Variants in DAB1 observed in about 807,000 individuals in gnomAD.
The protein encoded by DAB1 is disabled homolog 1.
DAB1 carries 15 observed loss-of-function variants against 64.6 expected under a neutral mutation model. The observed-to-expected ratio is 0.23, with a 90% CI of 0.16 to 0.36. The LOEUF (loss-of-function observed/expected upper bound fraction) is 0.36, where lower values mean the gene tolerates loss of function less well. DAB1 is among the 10% of genes least tolerant of loss of function. DAB1 has a pLI of 1.00. For missense variants in DAB1, 596 were observed against 706.7 expected (o/e 0.84, Z 1.78); for synonymous variants, 235 against 251.9 (o/e 0.93, Z 0.64).
At chr1:57,331,889 C>T (rs933584795) in intron 1 of DAB1, among the ~76,000 whole-genome samples, 5 of 152,186 alleles carry the variant, frequency 3.3e-5, no homozygotes, top group East Asian at 3.9e-4. Context: ...GCAGAGGAAT[C>T]TTGGGTTCTT....
intron 1 of DAB1, among the ~76,000 whole-genome samples, chr1:57,412,335 T>C (rs1374755787): frequency 1.3e-5 from 2 of 152,180 alleles, no homozygotes; most frequent in Non-Finnish European, 2.9e-5. Context: ...CACAAGTCTC[T>C]CACTTTAAAT....
At chr1:58,023,886 C>G (rs941244117) in intron 5 of DAB1, among the ~76,000 whole-genome samples, 7 of 152,116 alleles carry the variant, frequency 4.6e-5, no homozygotes, top group African/African-American at 1.7e-4. Flanking sequence ...TAAGGCAGTT[C>G]ATTAGCTTAG....
At chr1:57,609,406 T>A (rs969734858) in intron 7 of DAB1, among the ~76,000 whole-genome samples, 3 of 152,224 alleles carry the variant, frequency 2.0e-5, no homozygotes, top group Non-Finnish European at 4.4e-5. Flanking sequence ...GGAGGATGTG[T>A]GTATGTTATA....
chr1:58,441,853 C>T (rs1006008668), intron 3 of DAB1, among the ~76,000 whole-genome samples: 7 of 152,262 alleles, frequency 4.6e-5, no homozygotes, highest in African/African-American at 1.4e-4. Flanking sequence ...CTCACTGAGT[C>T]GGTAACAGAT....
chr1:57,339,754 C>T (rs1183578898), intron 1 of DAB1, among the ~76,000 whole-genome samples: 3 of 152,140 alleles, frequency 2.0e-5, no homozygotes, highest in South Asian at 2.1e-4. Flanking sequence ...ATTAGAAATA[C>T]GGGTTGAATT....
intron 7 of DAB1, among the ~76,000 whole-genome samples, chr1:57,565,343 T>G (rs1367820376): frequency 1.3e-5 from 2 of 152,164 alleles, no homozygotes; most frequent in Non-Finnish European, 2.9e-5. Flanking sequence ...AGACCATTGA[T>G]GCTAGGAAGA....
At chr1:57,206,960 C>T (rs1665595326) in intron 2 of DAB1, among the ~76,000 whole-genome samples, 3 of 131,206 alleles carry the variant, frequency 2.3e-5, no homozygotes. Flanking sequence ...TCTTTCTTTC[C>T]TTCCTTCCTT....
intron 4 of DAB1, among the ~76,000 whole-genome samples, chr1:57,084,265 C>T (rs1652839558): frequency 6.6e-6 from 1 of 152,150 alleles, no homozygotes; most frequent in African/African-American, 2.4e-5. Flanking sequence ...AGGCCATATA[C>T]AGATGATGGC....
intron 2 of DAB1, among the ~76,000 whole-genome samples, chr1:57,173,423 ATAT>A (rs1456088190): frequency 1.3e-5 from 2 of 152,168 alleles, no homozygotes; most frequent in African/African-American, 4.8e-5. Flanking sequence ...ATATGGTATA[ATAT>A]TATCCTCAGG....
At chr1:57,639,940 C>G (rs953773117) in intron 7 of DAB1, among the ~76,000 whole-genome samples, 1 of 152,154 alleles carries the variant, frequency 6.6e-6, no homozygotes, top group African/African-American at 2.4e-5. Flanking sequence ...AAAGAAAGGT[C>G]CCCAAAATAC....
chr1:57,226,685 A>ATATATATATC (rs1343367644), intron 2 of DAB1, among the ~76,000 whole-genome samples: 1 of 146,926 alleles, frequency 6.8e-6, no homozygotes, highest in African/African-American at 2.5e-5. Context: ...ATATATATAT[A>ATATATATATC]TATATATATA....
intron 4 of DAB1, among the ~76,000 whole-genome samples, chr1:58,258,642 G>A (rs563181228): frequency 6.6e-6 from 1 of 152,208 alleles, no homozygotes; most frequent in Admixed American, 6.5e-5. Flanking sequence ...TATTGGAGCA[G>A]AGACTGTCCG....
At chr1:57,282,259 T>A (rs188530556) in intron 2 of DAB1, among the ~76,000 whole-genome samples, 2 of 146,304 alleles carry the variant, frequency 1.4e-5, no homozygotes, top group African/African-American at 2.5e-5. Context: ...CAAGAGCAAG[T>A]GCATAGGGTA....
intron 2 of DAB1, among the ~76,000 whole-genome samples, chr1:57,222,853 C>A (rs1254631877): frequency 6.6e-6 from 1 of 152,150 alleles, no homozygotes; most frequent in Non-Finnish European, 1.5e-5. Context: ...TAGGAATAAT[C>A]CTATATCCAG....
At chr1:57,131,534 G>GA (rs1657651540) in intron 4 of DAB1, among the ~76,000 whole-genome samples, 1 of 152,150 alleles carries the variant, frequency 6.6e-6, no homozygotes, top group African/African-American at 2.4e-5. Flanking sequence ...AGCCTCCTCA[G>GA]CTTTTTCCTA....
chr1:57,293,923 T>C (rs1672986650), intron 1 of DAB1, among the ~76,000 whole-genome samples: 1 of 152,170 alleles, frequency 6.6e-6, no homozygotes, highest in Admixed American at 6.5e-5. Flanking sequence ...GCATTACTTG[T>C]GAATTTCTGA....
At chr1:57,746,459 T>C (rs2406279) in intron 6 of DAB1, among the ~76,000 whole-genome samples, 59,145 of 151,912 alleles carry the variant, frequency 0.39, 11,755 homozygotes, top group Admixed American at 0.44. Flanking sequence ...CCCCAGATTA[T>C]TAAGGTTGAG....
At chr1:58,432,987 C>T (rs1326141831) in intron 3 of DAB1, among the ~76,000 whole-genome samples, 2 of 152,222 alleles carry the variant, frequency 1.3e-5, no homozygotes, top group Non-Finnish European at 2.9e-5. Flanking sequence ...CCCAGGCATT[C>T]CTCTTTGCAA....
intron 11 of DAB1, among the ~76,000 whole-genome samples, chr1:57,019,936 A>C (rs1001864458): frequency 1.3e-5 from 2 of 152,254 alleles, no homozygotes; most frequent in Non-Finnish European, 2.9e-5. Flanking sequence ...GCAGACTGAA[A>C]TATAAGAAAA....
Sources: gnomAD v4.1 joint callset for allele counts (sites outside exome capture counted in the v4.1 genomes callset) on GRCh38, gnomAD v4.1.1 for gene constraint, MANE v1.5 for transcripts, NCBI Gene and HGNC (gene_info 2026-07-23, HGNC 2026-07-21) for gene names.